Variants in TRIM17 observed in about 807,000 individuals in gnomAD.
TRIM17 encodes the protein E3 ubiquitin-protein ligase TRIM17.
A neutral mutation model predicts 35.8 loss-of-function variants in TRIM17; 27 were observed. That is an observed-to-expected ratio of 0.75 (90% CI 0.56 to 1.04). TRIM17 has a LOEUF of 1.04. Among genes scored for constraint, TRIM17 ranks in the 50% least tolerant of loss-of-function variants. The probability of loss-of-function intolerance (pLI) is 0.00; values close to 1 mark genes in which losing one functional copy is unlikely to be tolerated. For missense variants in TRIM17, 582 were observed against 612.8 expected (o/e 0.95, Z 0.53); for synonymous variants, 246 against 252.6 (o/e 0.97, Z 0.25).
At position 228,411,161 on chromosome 1, in the gene TRIM17, G is replaced by A. The variant is rs764426830; in HGVS notation, c.541C>T (p.Arg181Trp). 37 of 1,610,330 alleles carry A rather than the reference G, an allele frequency of 2.3e-5. No homozygotes were observed. In the East Asian group the frequency reaches 3.1e-4, roughly 14 times the overall value. Residue 181 changes from arginine (R) to tryptophan (W), a missense_variant, in exon 4 of 7, where the codon CGG (arginine) becomes TGG (tryptophan). Arg to Trp is a moderately radical substitution (Grantham distance 101). Transcript: ENST00000366698. This position sits in a 1 kb window ranked among gnomAD's most constrained non-coding sequence, Gnocchi z 4.2. ...LAEWQGKVKE[R>W]RERIVLEFEK... Reference sequence around the variant, plus strand: ...AACTCCAGCACAATGCGTTCTCTCCGCTCCTTCACCTTGCCCTGCAGGAGT... The same window carrying A: ...AACTCCAGCACAATGCGTTCTCTCCACTCCTTCACCTTGCCCTGCAGGAGT...
At chr1:228,412,595 C>CAAAAAAAA (rs34002550) in intron 3 of TRIM17, among the ~76,000 whole-genome samples, 2 of 47,410 alleles carry the variant, frequency 4.2e-5, no homozygotes, top group Non-Finnish European at 7.1e-5. Context: ...CTTGTCTCTA[C>CAAAAAAAA]AAAAAAAAAA....
At position 228,411,162 on chromosome 1, in the gene TRIM17, C is replaced by T; in HGVS notation, c.540G>A (p.Glu180=). ...ACTCCAGCACAATGCGTTCTCTCCG[C>T]TCCTTCACCTTGCCCTGCAGGAGTG... The part of the protein sequence containing the change: ...SLAEWQGKVK[E]RRERIVLEFE... The change falls in exon 4 of 7, where the codon GAG becomes GAA. Residue 180 remains glutamate, a synonymous_variant. Transcript: ENST00000366698. This position sits in a 1 kb window ranked among gnomAD's most constrained non-coding sequence, Gnocchi z 4.2. 1.2e-6 allele frequency: 2 copies of T among 1,610,440 alleles called. No homozygotes were observed. Among genetic ancestry groups the T allele is most frequent in the South Asian group, 1.1e-5 (1 of 90,278 alleles).
At chr1:228,414,443 C>A (rs906139317) in intron 2 of TRIM17, among the ~76,000 whole-genome samples, 3 of 152,226 alleles carry the variant, frequency 2.0e-5, no homozygotes, top group African/African-American at 7.2e-5. Flanking sequence ...ATGCCTGCAT[C>A]ATACAGTGTA....
At chr1:228,412,753 G>A (rs950073553) in intron 3 of TRIM17, among the ~76,000 whole-genome samples, 1 of 151,770 alleles carries the variant, frequency 6.6e-6, no homozygotes, top group Non-Finnish European at 1.5e-5. Flanking sequence ...CTGGGCCACA[G>A]AGCGACTCTG....
At chr1:228,409,055 C>G (rs1294413188) in intron 6 of TRIM17, 117 bp downstream of exon 6, 3 of 1,612,284 alleles carry the variant, frequency 1.9e-6, no homozygotes, top group Admixed American at 1.7e-5. Context: ...CAGTGACCGT[C>G]ACCAGGCAGT....
rs74141230 is a variant in TRIM17 at position 228,415,115 on chromosome 1, T to C, written c.-41-2A>G. 0.011 allele frequency: 16,676 copies of C among 1,553,840 alleles called. 746 individuals carry two copies. The African/African-American group carries it at 0.13, about 12-fold the overall frequency. On this transcript the variant is annotated splice_acceptor_variant, in intron 1 of 6. Coordinates refer to ENST00000366698, the MANE Select transcript of TRIM17 (RefSeq NM_016102.4). LOFTEE classifies it low-confidence loss of function (5UTR_SPLICE). ...AGGCAGGTTCCCGCTTGAGGGACTCTGGAGAGAGTTGGAGGGAGCAGCCCG... is the reference window on the plus strand; with the variant it reads ...AGGCAGGTTCCCGCTTGAGGGACTCCGGAGAGAGTTGGAGGGAGCAGCCCG...
rs1478760869 is a variant in TRIM17 at position 228,416,616 on chromosome 1, C to G, written c.-119G>C. On this transcript the variant is annotated 5_prime_UTR_variant, in exon 1 of 7. Coordinates refer to ENST00000366698, the MANE Select transcript of TRIM17 (RefSeq NM_016102.4). ...TGCCGGGAAAGGCTGGGTCTGCCCC[C>G]ACGAAGCCCAGGAGGCTGCGGCCCG... 1 of 985,370 alleles carries G rather than the reference C, an allele frequency of 1.0e-6. No homozygotes were observed. The highest frequency in any genetic ancestry group is 1.2e-6 in the Non-Finnish European group (1 of 830,186). 61.0% of individuals were successfully genotyped at this position (985,370 alleles called of 1,614,324 possible).
rs531950699 is a variant in TRIM17, at chr1:228,416,597, G to T, written c.-100C>A. 6 of 985,572 alleles carry T rather than the reference G, an allele frequency of 6.1e-6. No homozygotes were observed. In the South Asian group the frequency reaches 2.8e-4, roughly 46 times the overall value. The allele number at this position is 985,572 out of a possible 1,614,324, so 61.1% of individuals were successfully genotyped here. On this transcript the variant is annotated 5_prime_UTR_variant, in exon 1 of 7. Transcript: ENST00000366698. ...CACCTGGCCGAGCGCTCGCTGCCGG[G>T]AAAGGCTGGGTCTGCCCCCACGAAG... is the stretch of plus-strand genomic sequence containing the variant.
chr1:228,414,959 G>C lies in TRIM17; in HGVS notation c.114C>G (p.Ala38=), dbSNP rs503203. Residue 38 remains alanine, a synonymous_variant, in exon 2 of 7, where the codon GCC becomes GCG. Transcript: ENST00000366698. ...MTTCGHNFCR[A]CIQLSWEKAR... Reference sequence around the variant, plus strand: ...CCTTTTCCCAGCTCAGCTGGATGCAGGCTCGGCAGAAGTTGTGGCCACAGG... The same window carrying C: ...CCTTTTCCCAGCTCAGCTGGATGCACGCTCGGCAGAAGTTGTGGCCACAGG... 200,441 of 1,613,236 alleles carry C rather than the reference G, an allele frequency of 0.12. 22,005 individuals are homozygous for C. The highest frequency in any genetic ancestry group is 0.55 in the African/African-American group (41,367 of 74,958).
At chr1:228,414,559 T>A (rs1656973255) in intron 2 of TRIM17, 85 bp downstream of exon 2, 25 of 1,246,358 alleles carry the variant, frequency 2.0e-5, no homozygotes, top group Non-Finnish European at 2.9e-5. Flanking sequence ...CCTGGACACC[T>A]CCTCCCTCCC....
chr1:228,409,320 C>T (rs770567617), intron 5 of TRIM17, 45 bp from the exon 6 acceptor site: 22 of 1,609,620 alleles, frequency 1.4e-5, no homozygotes, highest in Middle Eastern at 1.7e-4. Context: ...TCCCCTGGCC[C>T]GACAGTCTTA....
rs1249882219 is a variant in TRIM17 at position 228,416,710 on chromosome 1, G to T, written c.-213C>A. 5 of 974,346 alleles carry T rather than the reference G, an allele frequency of 5.1e-6. No homozygotes were observed. The highest frequency in any genetic ancestry group is 1.0e-3 in the Middle Eastern group (2 of 1,920). 60.4% of individuals were successfully genotyped at this position (974,346 alleles called of 1,614,324 possible). A position where few individuals can be genotyped will look rare whatever the true frequency, so the allele number is the denominator to read the frequency against. On this transcript the variant is annotated 5_prime_UTR_variant, in exon 1 of 7. Transcript: ENST00000366698. Reference sequence around the variant, plus strand: ...GTGGCGTCAGCGGGGGCTGGGGGGCGGCGGGGGAGGGGAATGCTGGGCGAG... The same window carrying T: ...GTGGCGTCAGCGGGGGCTGGGGGGCTGCGGGGGAGGGGAATGCTGGGCGAG...
rs149966618 is a variant in TRIM17 at position 228,410,337 on chromosome 1, C to G, written c.756+609G>C. ...CCTCTCCAGGGCCATGGCACACAGG[C>G]TGGTCCCGGCAGACAGGCTGGCTGC... On this transcript the variant is annotated intron_variant, in intron 4 of 6. Coordinates refer to ENST00000366698, the MANE Select transcript of TRIM17 (RefSeq NM_016102.4). The surrounding 1 kb of genome is among the most constrained non-coding windows in gnomAD (Gnocchi z 4.6). 4.7e-3 allele frequency among the ~76,000 whole-genome samples: 716 copies of G among 152,228 alleles called. 5 individuals are homozygous for G. The highest frequency in any genetic ancestry group is 0.016 in the African/African-American group (682 of 41,540).
In TRIM17 at chr1:228,415,092, G is replaced by A. The variant is rs747084931; in HGVS notation, c.-20C>T. The A allele has an allele frequency of 5.0e-6, 8 of 1,586,400 alleles. No individual in the cohort carries two copies. The highest frequency in any genetic ancestry group is 6.9e-6 in the Non-Finnish European group (8 of 1,163,644). On this transcript the variant is annotated 5_prime_UTR_variant, in exon 2 of 7. Coordinates refer to ENST00000366698, the MANE Select transcript of TRIM17 (RefSeq NM_016102.4). ...CTCCATGGCTCCTGGGAGACACGAG[G>A]CAGGTTCCCGCTTGAGGGACTCTGG...
intron 5 of TRIM17, 40 bp downstream of exon 5, chr1:228,409,349 G>A (rs529372194): frequency 9.5e-5 from 88 of 923,282 alleles, no homozygotes; most frequent in Non-Finnish European, 1.3e-4. Context: ...CCCGCCCACC[G>A]CTGCCACTGC....
chr1:228,412,063 G>A (rs1342019622), intron 3 of TRIM17, among the ~76,000 whole-genome samples: 1 of 152,102 alleles, frequency 6.6e-6, no homozygotes, highest in Non-Finnish European at 1.5e-5. Context: ...CTTTTTCCAT[G>A]AAGCTGAAGG....
rs769088235 is a variant in TRIM17, at chr1:228,408,291, G to A, written c.1344C>T (p.Phe448=). 7 of 1,605,232 alleles carry A rather than the reference G, an allele frequency of 4.4e-6. No individual in the cohort carries two copies. In the South Asian group the frequency reaches 4.4e-5, roughly 10 times the overall value. ...AGAAGAAAGGCTGCAGGGGGCCTGG[G>A]AAGGTGGCCTGGGAGTAGGTGTGCA... is the stretch of plus-strand genomic sequence containing the variant. The part of the protein sequence containing the change: ...SHLHTYSQAT[F]PGPLQPFFCL... The change falls in exon 7 of 7, where the codon TTC becomes TTT. Residue 448 remains phenylalanine (F), a synonymous_variant. Coordinates refer to ENST00000366698, the MANE Select transcript of TRIM17 (RefSeq NM_016102.4). This position sits in a 1 kb window ranked among gnomAD's most constrained non-coding sequence, Gnocchi z 6.3.
At position 228,414,763 on chromosome 1, in the gene TRIM17, C is replaced by A. The variant is rs1005349820; in HGVS notation, c.310G>T (p.Glu104Ter). 1.9e-6 allele frequency: 3 copies of A among 1,613,026 alleles called. No individual in the cohort carries two copies. Among genetic ancestry groups the A allele is most frequent in the Non-Finnish European group, 2.5e-6 (3 of 1,180,046 alleles). ...TTCTGGCAGAAAAGCTTGAGGGGCT[C>A]GTGGTGCTCCTGGCACAGGTCTTGC... ...QKQDLCQEHH[E>*]PLKLFCQKDQ... Residue 104 changes from glutamate (E) to a stop codon, truncating the protein, a stop_gained, in exon 2 of 7, where the codon GAG becomes TAG. Transcript: ENST00000366698. LOFTEE classifies it high-confidence loss of function.
intron 1 of TRIM17, 167 bp from the exon 2 acceptor site, chr1:228,415,280 A>G (rs1412205625): frequency 5.1e-6 from 3 of 587,240 alleles, no homozygotes; most frequent in Non-Finnish European, 8.9e-6. Context: ...CTCCCCAGAA[A>G]CTACACAGAC....
Sources: gnomAD v4.1 joint callset for allele counts (sites outside exome capture counted in the v4.1 genomes callset) on GRCh38, gnomAD v4.1.1 for gene constraint, Gnocchi (gnomAD v3.1) non-coding constraint, MANE v1.5 for transcripts, NCBI Gene and HGNC (gene_info 2026-07-23, HGNC 2026-07-21) for gene names.